CDH4: variants seen among roughly 807,000 people sequenced by gnomAD.
CDH4 encodes cadherin-4.
A neutral mutation model predicts 86.0 loss-of-function variants in CDH4; 33 were observed. The observed-to-expected ratio is 0.38, with a 90% CI of 0.29 to 0.51. The LOEUF (loss-of-function observed/expected upper bound fraction) is 0.51. Ranked by LOEUF, CDH4 falls within the 20% of genes least tolerant of loss-of-function variation. The pLI, the probability that CDH4 is intolerant of heterozygous loss-of-function variation, is 0.86. For synonymous variants in CDH4, 555 were observed against 549.4 expected (o/e 1.01, Z -0.14); for missense variants, 1,114 against 1,307.4 (o/e 0.85, Z 2.28).
At chr20:61,365,096 C>T (rs1223167559) in intron 2 of CDH4, among the ~76,000 whole-genome samples, 1 of 152,200 alleles carries the variant, frequency 6.6e-6, no homozygotes, top group Admixed American at 6.5e-5. Context: ...TAGCCATTTA[C>T]CTGTAGATTT....
intron 2 of CDH4, among the ~76,000 whole-genome samples, chr20:61,574,567 G>GAA (rs142444209): frequency 2.0e-5 from 3 of 151,622 alleles, no homozygotes; most frequent in African/African-American, 7.3e-5. Context: ...TAATTACAGA[G>GAA]AAAAAAAATG....
intron 2 of CDH4, among the ~76,000 whole-genome samples, chr20:61,723,717 T>C (rs779724043): frequency 5.9e-5 from 9 of 152,234 alleles, no homozygotes; most frequent in African/African-American, 9.6e-5. Flanking sequence ...TTTCCTGAGT[T>C]ACTTCTTATT....
chr20:61,748,674 T>C (rs2145950769), intron 3 of CDH4, among the ~76,000 whole-genome samples: 1 of 152,308 alleles, frequency 6.6e-6, no homozygotes, highest in East Asian at 1.9e-4. Flanking sequence ...GCATAAACTT[T>C]GAGAAGGGAT....
At chr20:61,604,198 G>T (rs1289302260) in intron 2 of CDH4, among the ~76,000 whole-genome samples, 1 of 152,136 alleles carries the variant, frequency 6.6e-6, no homozygotes, top group Non-Finnish European at 1.5e-5. Context: ...ATATTTTTAG[G>T]CCCTGGAGGA....
At chr20:61,638,341 G>A (rs2086970414) in intron 2 of CDH4, among the ~76,000 whole-genome samples, 2 of 152,194 alleles carry the variant, frequency 1.3e-5, no homozygotes, top group South Asian at 4.1e-4. Context: ...TTTGTGTGGT[G>A]GCTTTCTAGG....
At chr20:61,872,365 G>T (rs1417746953) in intron 6 of CDH4, among the ~76,000 whole-genome samples, 2 of 152,250 alleles carry the variant, frequency 1.3e-5, no homozygotes, top group Non-Finnish European at 2.9e-5. Context: ...ATGAGGAGGA[G>T]TTGGCCAGGT....
intron 2 of CDH4, among the ~76,000 whole-genome samples, chr20:61,363,287 G>T (rs993160558): frequency 1.3e-5 from 2 of 152,094 alleles, no homozygotes; most frequent in Non-Finnish European, 2.9e-5. Context: ...AACAAATATT[G>T]TTGAGCATCT....
chr20:61,596,696 A>G (rs2086559744), intron 2 of CDH4, among the ~76,000 whole-genome samples: 1 of 152,152 alleles, frequency 6.6e-6, no homozygotes, highest in Admixed American at 6.5e-5. Flanking sequence ...GGTCCTGGAA[A>G]TGCTCAGATT....
At chr20:61,794,943 A>G (rs1392511098) in intron 4 of CDH4, among the ~76,000 whole-genome samples, 1 of 151,646 alleles carries the variant, frequency 6.6e-6, no homozygotes, top group Non-Finnish European at 1.5e-5. Flanking sequence ...CCTCTGTCCT[A>G]ATGTTTGTCA....
chr20:61,722,395 C>T lies in CDH4; in HGVS notation c.170-21168C>T, dbSNP rs566685164. ...TGACATATCCTTGGCACAGAGCCCA[C>T]TCATCCTTCCAGAAGTGAGGAAGGA... On this transcript the variant is annotated intron_variant, in intron 2 of 15. Coordinates refer to ENST00000614565, the MANE Select transcript of CDH4 (RefSeq NM_001794.5). Among the ~76,000 whole-genome samples, 9 of 152,316 alleles carry T rather than the reference C, an allele frequency of 5.9e-5. No homozygotes were observed. The East Asian group carries it at 1.2e-3, about 20-fold the overall frequency.
intron 2 of CDH4, among the ~76,000 whole-genome samples, chr20:61,406,297 A>ACCATCT (rs1306352998): frequency 1.3e-4 from 19 of 146,834 alleles, no homozygotes; most frequent in African/African-American, 3.8e-4. Flanking sequence ...TGCCCGGACC[A>ACCATCT]GCATCTGCTC....
intron 2 of CDH4, among the ~76,000 whole-genome samples, chr20:61,333,795 T>C (rs570024309): frequency 6.6e-6 from 1 of 152,354 alleles, no homozygotes; most frequent in East Asian, 1.9e-4. Context: ...CTGGGCTGTC[T>C]GGGAGACCTG....
chr20:61,510,941 G>T lies in CDH4; in HGVS notation c.170-232622G>T, dbSNP rs549224812. Among the ~76,000 whole-genome samples the T allele has an allele frequency of 2.0e-4, 30 of 152,106 alleles. No individual in the cohort carries two copies. In the South Asian group the frequency reaches 6.0e-3, roughly 31 times the overall value. ...GACATGTCACAAAATGAAAGCAGGA[G>T]TGAGAGAGAGAGAGAAAGTTGGGGG... On this transcript the variant is annotated intron_variant, in intron 2 of 15. Coordinates refer to ENST00000614565, the MANE Select transcript of CDH4 (RefSeq NM_001794.5). The surrounding 1 kb of genome is among the most constrained non-coding windows in gnomAD (Gnocchi z 4.2).
chr20:61,535,374 C>G (rs2085988834), intron 2 of CDH4, among the ~76,000 whole-genome samples: 1 of 152,184 alleles, frequency 6.6e-6, no homozygotes, highest in Non-Finnish European at 1.5e-5. Flanking sequence ...GGCACGGATC[C>G]CATCCCCAGG....
At chr20:61,905,998 C>A (rs3787412) in intron 8 of CDH4, among the ~76,000 whole-genome samples, 20,782 of 152,180 alleles carry the variant, frequency 0.14, 1,884 homozygotes, top group South Asian at 0.26. Context: ...TTCCTCCAGC[C>A]GGCTTTGTTC....
intron 2 of CDH4, among the ~76,000 whole-genome samples, chr20:61,425,772 GCCCAGGGCAGGA>G (rs1255398395): frequency 2.0e-3 from 303 of 151,848 alleles, no homozygotes; most frequent in Middle Eastern, 6.8e-3. Flanking sequence ...CGAGGGCCCC[GCCCAGGGCAGGA>G]TGGCCAATTG....
intron 2 of CDH4, among the ~76,000 whole-genome samples, chr20:61,661,876 A>G (rs1386141550): frequency 6.6e-6 from 1 of 152,070 alleles, no homozygotes; most frequent in Non-Finnish European, 1.5e-5. Flanking sequence ...AAATGACCTC[A>G]TTCACTTGAT....
At chr20:61,871,039 A>ATGTGTGTGTGTG (rs10590544) in intron 6 of CDH4, among the ~76,000 whole-genome samples, 16 of 149,860 alleles carry the variant, frequency 1.1e-4, no homozygotes, top group Admixed American at 4.0e-4. Flanking sequence ...TATTTATAGG[A>ATGTGTGTGTGTG]TGTGTGTGTG....
chr20:61,332,333 G>T (rs969932020), intron 2 of CDH4, among the ~76,000 whole-genome samples: 3 of 152,200 alleles, frequency 2.0e-5, no homozygotes, highest in Non-Finnish European at 4.4e-5. Context: ...TGTTTCCCTA[G>T]AGAGTCCGGG....
Sources: gnomAD v4.1 joint callset for allele counts (sites outside exome capture counted in the v4.1 genomes callset) on GRCh38, gnomAD v4.1.1 for gene constraint, Gnocchi (gnomAD v3.1) non-coding constraint, MANE v1.5 for transcripts, NCBI Gene and HGNC (gene_info 2026-07-23, HGNC 2026-07-21) for gene names.